KLHL29: variants seen among roughly 807,000 people sequenced by gnomAD.
KLHL29 encodes the protein kelch like family member 29, also known as kelch-like protein 29.
In KLHL29, 21 loss-of-function variants were observed where a neutral mutation model predicts 80.4. The ratio of observed to expected loss-of-function variants is 0.26; its 90% CI spans 0.19 to 0.38. The LOEUF (loss-of-function observed/expected upper bound fraction) is 0.38, where lower values mean the gene tolerates loss of function less well. Among genes scored for constraint, KLHL29 ranks in the 10% least tolerant of loss-of-function variants. KLHL29 has a pLI of 1.00. For missense variants in KLHL29, 867 were observed against 1,223.9 expected, an observed-to-expected ratio of 0.71 and a Z score of 4.35; for synonymous variants, 511 against 526.8, an observed-to-expected ratio of 0.97 and a Z score of 0.41.
chr2:23,690,826 A>G (rs1421142541), intron 6 of KLHL29: 1 of 152,238 alleles, frequency 6.6e-6, no homozygotes, highest in Non-Finnish European at 1.5e-5. Context: ...ATGGTTTTGT[A>G]TTCCTGTAGA....
chr2:23,476,208 G>A (rs529596929), intron 2 of KLHL29, among the ~76,000 whole-genome samples: 5 of 151,874 alleles, frequency 3.3e-5, no homozygotes, highest in Non-Finnish European at 7.4e-5. Flanking sequence ...TGCTTACCTG[G>A]GTCTTGGCTT....
Position 23,635,723 on chromosome 2 carries a change from C to T in KLHL29, c.286-3416C>T, listed in dbSNP as rs112466785. Among the ~76,000 whole-genome samples, 184 of 152,342 alleles carry T rather than the reference C, an allele frequency of 1.2e-3. 1 individual carries two copies. Among genetic ancestry groups the T allele is most frequent in the African/African-American group, 4.1e-3 (171 of 41,576 alleles). On this transcript the variant is annotated intron_variant, in intron 3 of 13. Transcript: ENST00000486442. Reference sequence around the variant, plus strand: ...TGATGATGGGCAGATAGGGCCACTCCGTGGGGCCAGGCACAGAGAGGCTCT... The same window carrying T: ...TGATGATGGGCAGATAGGGCCACTCTGTGGGGCCAGGCACAGAGAGGCTCT...
intron 1 of KLHL29, among the ~76,000 whole-genome samples, chr2:23,439,645 T>G (rs528732206): frequency 1.3e-5 from 2 of 152,180 alleles, no homozygotes; most frequent in Non-Finnish European, 2.9e-5. Flanking sequence ...TAATCCTGAG[T>G]TCTAGTTTGA....
intron 5 of KLHL29, among the ~76,000 whole-genome samples, chr2:23,652,353 A>G (rs1670109815): frequency 6.6e-6 from 1 of 152,224 alleles, no homozygotes; most frequent in South Asian, 2.1e-4. Context: ...ACCGATCGCT[A>G]GACAGTTTGT....
chr2:23,637,289 C>T (rs1669638060), intron 3 of KLHL29, among the ~76,000 whole-genome samples: 1 of 152,152 alleles, frequency 6.6e-6, no homozygotes, highest in Non-Finnish European at 1.5e-5. Flanking sequence ...TGGATAGATC[C>T]TTCAGACAGG....
At chr2:23,417,936 C>T (rs1396151171) in intron 1 of KLHL29, among the ~76,000 whole-genome samples, 1 of 152,152 alleles carries the variant, frequency 6.6e-6, no homozygotes, top group East Asian at 1.9e-4. Context: ...TGTAGCATAA[C>T]ATCGTCTCCT....
chr2:23,606,142 GTGTGTGTGTGTGTA>G (rs1668716974), intron 3 of KLHL29, among the ~76,000 whole-genome samples: 1 of 147,784 alleles, frequency 6.8e-6, no homozygotes, highest in South Asian at 2.2e-4. Context: ...GTGAGCTAGT[GTGTGTGTGTGTGTA>G]TGTGTGTGTG....
intron 3 of KLHL29, among the ~76,000 whole-genome samples, chr2:23,592,125 A>G (rs1025596018): frequency 6.6e-6 from 1 of 152,242 alleles, no homozygotes; most frequent in African/African-American, 2.4e-5. Context: ...TGTGGAAATT[A>G]GAGACCCTCT....
At chr2:23,533,958 T>A (rs1666583116) in intron 2 of KLHL29, among the ~76,000 whole-genome samples, 1 of 150,104 alleles carries the variant, frequency 6.7e-6, no homozygotes, top group Non-Finnish European at 1.5e-5. Context: ...TAAAGAAACG[T>A]GTGCGCTATG....
intron 3 of KLHL29, among the ~76,000 whole-genome samples, chr2:23,593,419 G>T (rs1248834400): frequency 2.0e-5 from 3 of 152,188 alleles, no homozygotes; most frequent in Non-Finnish European, 2.9e-5. Context: ...GTGAATAGCT[G>T]CACAGCCCTT....
intron 3 of KLHL29, among the ~76,000 whole-genome samples, chr2:23,575,564 A>G (rs545280990): frequency 3.9e-4 from 59 of 152,316 alleles, no homozygotes; most frequent in Admixed American, 2.8e-3. Flanking sequence ...CAGTCTCACA[A>G]TTGCATGAGG....
chr2:23,402,616 A>G (rs1666621814), intron 1 of KLHL29, among the ~76,000 whole-genome samples: 1 of 152,102 alleles, frequency 6.6e-6, no homozygotes, highest in African/African-American at 2.4e-5. Flanking sequence ...CTTGGGGCAG[A>G]ACCTGTCCTC....
chr2:23,397,859 A>G (rs113644194), intron 1 of KLHL29, among the ~76,000 whole-genome samples: 1 of 152,236 alleles, frequency 6.6e-6, no homozygotes, highest in Non-Finnish European at 1.5e-5. Context: ...ACACAAAAAG[A>G]TGCTCCACAT....
At chr2:23,664,765 T>G (rs1670508393) in intron 5 of KLHL29, among the ~76,000 whole-genome samples, 1 of 151,822 alleles carries the variant, frequency 6.6e-6, no homozygotes, top group Admixed American at 6.6e-5. Context: ...GACAGCAGCC[T>G]GCCATGGGAC....
intron 5 of KLHL29, among the ~76,000 whole-genome samples, chr2:23,664,167 C>G (rs1260995575): frequency 6.6e-6 from 1 of 152,176 alleles, no homozygotes; most frequent in Admixed American, 6.5e-5. Flanking sequence ...TAGAGTTAAT[C>G]ACCTCCCATC....
In KLHL29 at chr2:23,696,495, A is replaced by T; in HGVS notation, c.2087A>T (p.Asn696Ile). The change falls in exon 11 of 14, where the codon AAC becomes ATC. Residue 696 changes from asparagine to isoleucine, a missense_variant. Asn to Ile is a moderately radical substitution (Grantham distance 149, BLOSUM62 -3). Coordinates refer to ENST00000486442, the MANE Select transcript of KLHL29 (RefSeq NM_052920.2). The surrounding 1 kb of genome is among the most constrained non-coding windows in gnomAD (Gnocchi z 5.5). ...CTCGGGGGACTTGGCGTGGCAGGCA[A>T]CGTGGACCACGTGGAGAGGTAATGA... The part of the protein sequence containing the change: ...YTLGGLGVAG[N>I]VDHVERYDTI... 16 of 1,531,926 alleles carry T rather than the reference A, an allele frequency of 1.0e-5. No homozygotes were observed. The highest frequency in any genetic ancestry group is 1.4e-5 in the Non-Finnish European group (16 of 1,137,842). The allele number at this position is 1,531,926 out of a possible 1,614,324, so 94.9% of individuals were successfully genotyped here.
chr2:23,479,288 C>G (rs1478515861), intron 2 of KLHL29, among the ~76,000 whole-genome samples: 2 of 151,876 alleles, frequency 1.3e-5, no homozygotes, highest in Non-Finnish European at 2.9e-5. Flanking sequence ...CAGCCGAACC[C>G]TCAGCCCTAC....
chr2:23,543,698 A>G (rs1308870058), intron 2 of KLHL29, among the ~76,000 whole-genome samples: 2 of 152,164 alleles, frequency 1.3e-5, no homozygotes, highest in African/African-American at 4.8e-5. Context: ...CTTCAAAGCT[A>G]TTTGGTATTT....
At chr2:23,426,214 A>G (rs1303992732) in intron 1 of KLHL29, among the ~76,000 whole-genome samples, 1 of 152,270 alleles carries the variant, frequency 6.6e-6, no homozygotes, top group African/African-American at 2.4e-5. Flanking sequence ...ATTCTACTGT[A>G]CTCAGGCTCT....
Sources: gnomAD v4.1 joint callset for allele counts (sites outside exome capture counted in the v4.1 genomes callset) on GRCh38, gnomAD v4.1.1 for gene constraint, Gnocchi (gnomAD v3.1) non-coding constraint, MANE v1.5 for transcripts, NCBI Gene and HGNC (gene_info 2026-07-23, HGNC 2026-07-21) for gene names.